Variants in TTC24 observed in about 807,000 individuals in gnomAD.
The protein encoded by TTC24 is tetratricopeptide repeat domain 24, also known as tetratricopeptide repeat protein 24.
A neutral mutation model predicts 63.3 loss-of-function variants in TTC24; 54 were observed. The ratio of observed to expected loss-of-function variants is 0.85; its 90% CI spans 0.69 to 1.07. The LOEUF (loss-of-function observed/expected upper bound fraction) is 1.07, where lower values mean the gene tolerates loss of function less well. TTC24 is among the 50% of genes least tolerant of loss of function. The probability of loss-of-function intolerance (pLI) is 0.00; values close to 1 mark genes in which losing one functional copy is unlikely to be tolerated. For synonymous variants in TTC24, 276 were observed against 304.3 expected, an observed-to-expected ratio of 0.91 and a Z score of 0.97; for missense variants, 680 against 730.5, an observed-to-expected ratio of 0.93 and a Z score of 0.80.
At chr1:156,586,094 A>G (rs1424413223) in intron 10 of TTC24, 49 bp downstream of exon 10, 3 of 1,276,490 alleles carry the variant, frequency 2.4e-6, no homozygotes, top group Non-Finnish European at 3.3e-6. Flanking sequence ...CAAAAAAAGT[A>G]GAATGTGTGG....
chr1:156,584,775 G>A, intron 6 of TTC24, 102 bp from the exon 7 acceptor site: 1 of 703,854 alleles, frequency 1.4e-6, no homozygotes, highest in Admixed American at 3.4e-5. Context: ...AAGCGGCAGA[G>A]CCCGAATTGT....
intron 1 of TTC24, among the ~76,000 whole-genome samples, chr1:156,580,959 T>TA (rs1676974134): frequency 6.6e-6 from 1 of 152,224 alleles, no homozygotes; most frequent in African/African-American, 2.4e-5. Flanking sequence ...ATTGAGAATC[T>TA]ACTGTGTGCC....
chr1:156,584,833 C>G, intron 6 of TTC24, 44 bp from the exon 7 acceptor site: 1 of 1,385,280 alleles, frequency 7.2e-7, no homozygotes, highest in African/African-American at 1.5e-5. Context: ...GCTGGGATGG[C>G]CGTTTTTCTC....
At position 156,585,217 on chromosome 1, in the gene TTC24, C is replaced by G. The variant is rs761859542; in HGVS notation, c.1442C>G (p.Pro481Arg). 14 of 1,612,080 alleles carry G rather than the reference C, an allele frequency of 8.7e-6. No homozygotes were observed. In the Admixed American group the frequency reaches 1.5e-4, roughly 17 times the overall value. The change falls in exon 8 of 11, where the codon CCG becomes CGG. Residue 481 changes from proline to arginine, a missense_variant. Transcript: ENST00000368236. Reference protein sequence around the residue: ...RSANVPVRAGPGRPELCFLPG... With the variant: ...RSANVPVRAGRGRPELCFLPG... ...GCAAACGTTCCGGTGAGGGCTGGGCCGGGAAGACCAGAGCGTGAGTTGATG... is the reference window on the plus strand; with the variant it reads ...GCAAACGTTCCGGTGAGGGCTGGGCGGGGAAGACCAGAGCGTGAGTTGATG...
chr1:156,584,888 G>A lies in TTC24; in HGVS notation c.1263G>A (p.Pro421=), dbSNP rs757574071. 37 of 1,582,396 alleles carry A rather than the reference G, an allele frequency of 2.3e-5. No homozygotes were observed. Among genetic ancestry groups the A allele is most frequent in the Admixed American group, 1.5e-4 (8 of 53,896 alleles). Residue 421 remains proline, a synonymous_variant, in exon 7 of 11, where the codon CCG becomes CCA. Transcript: ENST00000368236. Reference sequence around the variant, plus strand: ...CACTTCATTCCCAGACTTCGGCTCCGGGAAGACTCCAGGCTCCAGGTGGGG... The same window carrying A: ...CACTTCATTCCCAGACTTCGGCTCCAGGAAGACTCCAGGCTCCAGGTGGGG... ...LVQTHTLTSA[P]GRLQAPGGAS...
Position 156,585,972 on chromosome 1 carries a change from C to G in TTC24, c.1594C>G (p.Pro532Ala), listed in dbSNP as rs17392348. Residue 532 changes from proline to alanine, a missense_variant, in exon 10 of 11, where the codon CCA (proline) becomes GCA (alanine). By Grantham distance (27) the Pro-to-Ala change is conservative (BLOSUM62 -1). Coordinates refer to ENST00000368236, the MANE Select transcript of TTC24 (RefSeq NM_001105669.4). Reference protein sequence around the residue: ...IYSPGPRAHLPFVGPGPPRAE... With the variant: ...IYSPGPRAHLAFVGPGPPRAE... ...AGGTCCAGGACCCAGGGCCCATCTT[C>G]CATTTGTAGGTCCAGGCCCTCCCAG... is the stretch of plus-strand genomic sequence containing the variant. 21,112 of 1,598,966 alleles carry G rather than the reference C, an allele frequency of 0.013. 176 individuals are homozygous for G. The highest frequency in any genetic ancestry group is 0.022 in the South Asian group (1,914 of 88,920).
Position 156,583,839 on chromosome 1 carries a change from GC to G in TTC24, c.1196del (p.Ala399GlufsTer4), listed in dbSNP as rs1677076348. ...GCGAGAACGGCTGGTGGCCAAGCTG[GC>G]AGACACCGTGAGGACGCGCTTGGCC... ...SVRERLVAKL[A>X]DTVRTRLAQV... On this transcript the variant is annotated frameshift_variant, in exon 6 of 11. Coordinates refer to ENST00000368236, the MANE Select transcript of TTC24 (RefSeq NM_001105669.4). LOFTEE classifies it high-confidence loss of function. The surrounding 1 kb of genome is among the most constrained non-coding windows in gnomAD (Gnocchi z 4.0). 1.3e-6 allele frequency: 2 copies of G among 1,583,462 alleles called. No individual in the cohort carries two copies. Among genetic ancestry groups the G allele is most frequent in the Non-Finnish European group, 8.6e-7 (1 of 1,166,466 alleles).
Position 156,583,423 on chromosome 1 carries a change from C to A in TTC24, c.1125C>A (p.Tyr375Ter). The change falls in exon 5 of 11, where the codon TAC becomes TAA. Residue 375 changes from tyrosine (Y) to a stop codon, truncating the protein, a stop_gained. Transcript: ENST00000368236. LOFTEE classifies it high-confidence loss of function. The surrounding 1 kb of genome is among the most constrained non-coding windows in gnomAD (Gnocchi z 4.0). ...GGCAGTATGACCAGGCCTTGAAGTACTATAAGGAAGCACTGGCCCAGTGTC... is the reference window on the plus strand; with the variant it reads ...GGCAGTATGACCAGGCCTTGAAGTAATATAAGGAAGCACTGGCCCAGTGTC... ...RLGQYDQALK[Y>*]YKEALAQCQK... 6.2e-7 allele frequency: 1 copy of A among 1,608,762 alleles called. No individual in the cohort carries two copies.
At position 156,583,581 on chromosome 1, in the gene TTC24, T is replaced by C. The variant is rs1261740406; in HGVS notation, c.1152+131T>C. The C allele has an allele frequency of 2.5e-5, 22 of 887,818 alleles. No homozygotes were observed. Among genetic ancestry groups the C allele is most frequent in the Non-Finnish European group, 3.6e-5 (21 of 576,342 alleles). 55.0% of individuals were successfully genotyped at this position (887,818 alleles called of 1,614,324 possible). A position where few individuals can be genotyped will look rare whatever the true frequency, so the allele number is the denominator to read the frequency against. ...AACATGCACTGGACACACTGTGTGC[T>C]AGGTCTTGGGATACTATTGTGAGGA... On this transcript the variant is annotated intron_variant, in intron 5 of 10. Transcript: ENST00000368236. The surrounding 1 kb of genome is among the most constrained non-coding windows in gnomAD (Gnocchi z 4.0).
chr1:156,583,417 G>A lies in TTC24; in HGVS notation c.1119G>A (p.Leu373=). The change falls in exon 5 of 11, where the codon TTG becomes TTA. Residue 373 remains leucine (L), a synonymous_variant. Transcript: ENST00000368236. This position sits in a 1 kb window ranked among gnomAD's most constrained non-coding sequence, Gnocchi z 4.0. ...GGCTGGGGCAGTATGACCAGGCCTT[G>A]AAGTACTATAAGGAAGCACTGGCCC... ...AARLGQYDQA[L]KYYKEALAQC... is the part of the protein sequence containing the mutation. 6.2e-7 allele frequency: 1 copy of A among 1,610,720 alleles called. No individual in the cohort carries two copies.
intron 1 of TTC24, among the ~76,000 whole-genome samples, chr1:156,580,917 C>T (rs1263720453): frequency 2.0e-5 from 3 of 152,210 alleles, no homozygotes; most frequent in African/African-American, 4.8e-5. Flanking sequence ...TATCCATCTC[C>T]AGAACTTTTT....
Position 156,581,949 on chromosome 1 carries a change from G to C in TTC24, c.585G>C (p.Leu195=). ...AGAGACAGCTGCGGGCCGCAGCCCT[G>C]GCACTGGGGGCTGCGGCAGGATGTA... ...AQERQLRAAA[L]ALGAAAGCML... Residue 195 remains leucine, a synonymous_variant, in exon 2 of 11, where the codon CTG becomes CTC. Coordinates refer to ENST00000368236, the MANE Select transcript of TTC24 (RefSeq NM_001105669.4). 1 of 1,537,560 alleles carries C rather than the reference G, an allele frequency of 6.5e-7. No homozygotes were observed. The highest frequency in any genetic ancestry group is 8.8e-7 in the Non-Finnish European group (1 of 1,142,372).
chr1:156,582,176 A>G, intron 2 of TTC24, 55 bp from the exon 3 acceptor site: 1 of 1,502,476 alleles, frequency 6.7e-7, no homozygotes, highest in Non-Finnish European at 8.9e-7. Context: ...TAGGGGCTGT[A>G]CCAGCCTCAT....
Position 156,582,376 on chromosome 1 carries a change from T to C in TTC24, c.852T>C (p.Asn284=), listed in dbSNP as rs372613056. The stretch of plus-strand genomic sequence containing the variant: ...TAAGAAACCTCGGGATGGCCCACAA[T>C]GCCCTCGGCAACTATCAGGAAGCTC... ...TVLRNLGMAH[N]ALGNYQEARE... The change falls in exon 3 of 11, where the codon AAT becomes AAC. Residue 284 remains asparagine (N), a synonymous_variant. Coordinates refer to ENST00000368236, the MANE Select transcript of TTC24 (RefSeq NM_001105669.4). 25 of 1,613,484 alleles carry C rather than the reference T, an allele frequency of 1.5e-5. 1 individual carries two copies. Among genetic ancestry groups the C allele is most frequent in the Middle Eastern group, 1.6e-4 (1 of 6,084 alleles).
chr1:156,583,158 G>C lies in TTC24; in HGVS notation c.1027G>C (p.Ala343Pro), dbSNP rs1469968730. ...CAACTACCTGCATGCCCTGCAGGCTGCCCGGGACTCTGGTAAGCGTGAGAG... is the reference window on the plus strand; with the variant it reads ...CAACTACCTGCATGCCCTGCAGGCTCCCCGGGACTCTGGTAAGCGTGAGAG... The part of the protein sequence containing the change: ...RDNYLHALQA[A>P]RDSGDMKGQW... The change falls in exon 4 of 11, where the codon GCC becomes CCC. Residue 343 changes from alanine (A) to proline (P), a missense_variant. Transcript: ENST00000368236. This position sits in a 1 kb window ranked among gnomAD's most constrained non-coding sequence, Gnocchi z 4.0. 6.2e-7 allele frequency: 1 copy of C among 1,612,240 alleles called. No homozygotes were observed. The highest frequency in any genetic ancestry group is 8.5e-7 in the Non-Finnish European group (1 of 1,179,136).
Position 156,587,596 on chromosome 1 carries a change from G to A in TTC24, c.*1046G>A, listed in dbSNP as rs924217236. Among the ~76,000 whole-genome samples the A allele has an allele frequency of 6.6e-6, 1 of 152,106 alleles. No individual in the cohort carries two copies. The highest frequency in any genetic ancestry group is 2.4e-5 in the African/African-American group (1 of 41,422). Reference sequence around the variant, plus strand: ...CACCCTTGTAATCCTAGCACTTTGCGAGGCCAAGGTGGGAGGATTGCTTGA... The same window carrying A: ...CACCCTTGTAATCCTAGCACTTTGCAAGGCCAAGGTGGGAGGATTGCTTGA... On this transcript the variant is annotated 3_prime_UTR_variant, in exon 11 of 11. Coordinates refer to ENST00000368236, the MANE Select transcript of TTC24 (RefSeq NM_001105669.4).
intron 6 of TTC24, chr1:156,584,583 C>G (rs987736044): frequency 9.1e-6 from 3 of 328,136 alleles, no homozygotes; most frequent in Middle Eastern, 7.9e-4. Context: ...ATACCTGGGT[C>G]CCAGCCAATG....
chr1:156,583,215 T>C lies in TTC24; in HGVS notation c.1039+45T>C. 1 of 1,589,258 alleles carries C rather than the reference T, an allele frequency of 6.3e-7. No individual in the cohort carries two copies. Among genetic ancestry groups the C allele is most frequent in the South Asian group, 1.1e-5 (1 of 89,352 alleles). On this transcript the variant is annotated intron_variant, in intron 4 of 10. Coordinates refer to ENST00000368236, the MANE Select transcript of TTC24 (RefSeq NM_001105669.4). This position sits in a 1 kb window ranked among gnomAD's most constrained non-coding sequence, Gnocchi z 4.0. ...GATGTGACTGGGACAGTGGGGAGGCTGAGGGTCCTAGGGGCTGGCGGGGAG... is the reference window on the plus strand; with the variant it reads ...GATGTGACTGGGACAGTGGGGAGGCCGAGGGTCCTAGGGGCTGGCGGGGAG...
Position 156,583,682 on chromosome 1 carries a change from G to A in TTC24, c.1153-115G>A, listed in dbSNP as rs1468188038. Reference sequence around the variant, plus strand: ...AAAGGCATGGGGATGGGGTAGAAGAGAGGGGAAACAAAGCCCCCCTCCCCC... The same window carrying A: ...AAAGGCATGGGGATGGGGTAGAAGAAAGGGGAAACAAAGCCCCCCTCCCCC... On this transcript the variant is annotated intron_variant, in intron 5 of 10. Coordinates refer to ENST00000368236, the MANE Select transcript of TTC24 (RefSeq NM_001105669.4). The surrounding 1 kb of genome is among the most constrained non-coding windows in gnomAD (Gnocchi z 4.0). 1.9e-6 allele frequency: 2 copies of A among 1,047,234 alleles called. No homozygotes were observed. The highest frequency in any genetic ancestry group is 2.6e-5 in the East Asian group (1 of 38,274). The allele number at this position is 1,047,234 out of a possible 1,614,324, so 64.9% of individuals were successfully genotyped here.
Sources: gnomAD v4.1 joint callset for allele counts (sites outside exome capture counted in the v4.1 genomes callset) on GRCh38, gnomAD v4.1.1 for gene constraint, Gnocchi (gnomAD v3.1) non-coding constraint, MANE v1.5 for transcripts, NCBI Gene and HGNC (gene_info 2026-07-23, HGNC 2026-07-21) for gene names.